Variants in HDLBP observed in about 807,000 individuals in gnomAD.
The protein encoded by HDLBP is vigilin.
HDLBP carries 30 observed loss-of-function variants against 137.3 expected under a neutral mutation model. That is an observed-to-expected ratio of 0.22 (90% CI 0.16 to 0.30). The LOEUF (loss-of-function observed/expected upper bound fraction) is 0.30, where lower values mean the gene tolerates loss of function less well. HDLBP is among the 10% of genes least tolerant of loss of function. HDLBP has a pLI of 1.00. For missense variants in HDLBP, 1,119 were observed against 1,667.3 expected, an observed-to-expected ratio of 0.67 and a Z score of 5.73; for synonymous variants, 606 against 596.0, an observed-to-expected ratio of 1.02 and a Z score of -0.24.
chr2:241,300,246 C>T (rs1166060085), intron 1 of HDLBP, among the ~76,000 whole-genome samples: 1 of 152,024 alleles, frequency 6.6e-6, no homozygotes, highest in Non-Finnish European at 1.5e-5. Flanking sequence ...GCGGGCGCCC[C>T]CCGGTGCTCC....
intron 5 of HDLBP, among the ~76,000 whole-genome samples, chr2:241,259,663 T>C (rs1458608172): frequency 1.3e-5 from 2 of 152,174 alleles, no homozygotes; most frequent in African/African-American, 2.4e-5. Context: ...TTTGTAGAGA[T>C]GGGGTCTGAC....
intron 17 of HDLBP, 59 bp downstream of exon 17, chr2:241,242,401 G>T: frequency 7.0e-7 from 1 of 1,428,910 alleles, no homozygotes. Context: ...TGAGAAGCGA[G>T]AACACTGTAC....
At chr2:241,271,991 GGCCACGA>G (rs2149579103) in intron 1 of HDLBP, 1 of 163,190 alleles carries the variant, frequency 6.1e-6, no homozygotes, top group Non-Finnish European at 1.3e-5. Flanking sequence ...CCCTCCCACA[GGCCACGA>G]GGGCCCGCGG....
intron 20 of HDLBP, among the ~76,000 whole-genome samples, chr2:241,237,629 G>A (rs3732222): frequency 9.9e-5 from 15 of 152,200 alleles, no homozygotes; most frequent in Admixed American, 5.2e-4. Flanking sequence ...ATCCGATTCC[G>A]ATAAATGTGC....
intron 1 of HDLBP, among the ~76,000 whole-genome samples, chr2:241,295,055 T>C (rs569126426): frequency 2.0e-5 from 3 of 152,154 alleles, no homozygotes; most frequent in Non-Finnish European, 4.4e-5. Context: ...TGAGCCGAGA[T>C]TGCACCACTG....
chr2:241,281,189 C>G (rs1455252353), intron 1 of HDLBP, among the ~76,000 whole-genome samples: 1 of 152,150 alleles, frequency 6.6e-6, no homozygotes, highest in Non-Finnish European at 1.5e-5. Flanking sequence ...AACCCCATCT[C>G]TACTAAAACA....
At chr2:241,271,215 T>C (rs1455379536) in intron 1 of HDLBP, 1 of 817,128 alleles carries the variant, frequency 1.2e-6, no homozygotes, top group African/African-American at 1.9e-5. Context: ...ACTTTTCCCA[T>C]AGGAAGCTCG....
rs989886215 is a variant in HDLBP, at chr2:241,267,497, C to T, written c.-37-591G>A. ...CATGGAACCTGCCACCTGCCTGACC[C>T]AGGCTCCAGGCATAGATCAACACCA... On this transcript the variant is annotated intron_variant, in intron 2 of 27. Transcript: ENST00000310931. The T allele has an allele frequency of 2.2e-6, 3 of 1,376,806 alleles. No homozygotes were observed. The East Asian group carries it at 7.5e-5, about 34-fold the overall frequency. The allele number at this position is 1,376,806 out of a possible 1,614,324, so 85.3% of individuals were successfully genotyped here.
chr2:241,262,191 G>A (rs1466215574), intron 5 of HDLBP, among the ~76,000 whole-genome samples: 6 of 152,230 alleles, frequency 3.9e-5, no homozygotes, highest in Non-Finnish European at 8.8e-5. Context: ...CTGGAAATGT[G>A]TAGTTAGTGA....
intron 23 of HDLBP, among the ~76,000 whole-genome samples, chr2:241,234,739 C>T (rs935255531): frequency 2.6e-5 from 4 of 152,166 alleles, no homozygotes; most frequent in Admixed American, 2.6e-4. Context: ...AGTCATTCGC[C>T]CTTTGACCAC....
intron 1 of HDLBP, among the ~76,000 whole-genome samples, chr2:241,307,099 G>A (rs2075607987): frequency 6.6e-6 from 1 of 151,640 alleles, no homozygotes; most frequent in Non-Finnish European, 1.5e-5. Context: ...GGGGGGCAGT[G>A]TCATCCTAAC....
chr2:241,314,963 G>C (rs962465096), intron 1 of HDLBP: 30 of 152,138 alleles, frequency 2.0e-4, no homozygotes, highest in African/African-American at 6.5e-4. Context: ...GGGAGGAAAG[G>C]ACACCCCGGG....
intron 5 of HDLBP, among the ~76,000 whole-genome samples, chr2:241,258,128 G>T (rs1036636627): frequency 2.6e-5 from 4 of 151,982 alleles, no homozygotes; most frequent in Non-Finnish European, 5.9e-5. Flanking sequence ...GCCAGGCGCA[G>T]TGGCTCACGC....
chr2:241,241,841 T>G (rs1385611236), intron 17 of HDLBP, among the ~76,000 whole-genome samples: 1 of 152,084 alleles, frequency 6.6e-6, no homozygotes, highest in African/African-American at 2.4e-5. Flanking sequence ...AATGGAGAAA[T>G]GCCTGCAAAA....
rs2069392408 is a variant in HDLBP, at chr2:241,228,929, TGA to T, written c.*670_*671del. ...AGGCTCCACTCACCAGACCTCAGGC[TGA>T]GGGTCTGGCAGTGGAGGTAGGGGCA... On this transcript the variant is annotated 3_prime_UTR_variant, in exon 28 of 28. Coordinates refer to ENST00000310931, the MANE Select transcript of HDLBP (RefSeq NM_005336.6). The T allele has an allele frequency of 6.5e-6, 1 of 152,856 alleles. No homozygotes were observed. Among genetic ancestry groups the T allele is most frequent in the Non-Finnish European group, 1.5e-5 (1 of 68,398 alleles). The allele number at this position is 152,856 out of a possible 1,614,324, so 9.5% of individuals were successfully genotyped here. A position where few individuals can be genotyped will look rare whatever the true frequency, so the allele number is the denominator to read the frequency against.
Position 241,239,739 on chromosome 2 carries a change from C to T in HDLBP, c.2473G>A (p.Glu825Lys). ...ACCCCGCCATACTCTTCAGCAATCT[C>T]CCGCAAGACCTGGCCTCTGCGGATG... Reference protein sequence around the residue: ...FVIRRGQVLREIAEEYGGVMV... With the variant: ...FVIRRGQVLRKIAEEYGGVMV... The change falls in exon 19 of 28, where the codon GAG becomes AAG. Residue 825 changes from glutamate to lysine, a missense_variant. This residue lies in a region of HDLBP where 618 missense variants were observed against 816.7 expected (regional missense o/e 0.76). Coordinates refer to ENST00000310931, the MANE Select transcript of HDLBP (RefSeq NM_005336.6). The surrounding 1 kb of genome is among the most constrained non-coding windows in gnomAD (Gnocchi z 4.6). The T allele has an allele frequency of 1.9e-6, 3 of 1,614,196 alleles. No individual in the cohort carries two copies. Among genetic ancestry groups the T allele is most frequent in the Non-Finnish European group, 2.5e-6 (3 of 1,180,038 alleles).
rs770743953 is a variant in HDLBP, at chr2:241,247,051, A to G, written c.1818+5T>C. ...AGAAGCAAGATGCAGCGGACAAGTT[A>G]TCACCTTTTTAATGTTTGCGCCTCC... On this transcript the variant is annotated splice_donor_5th_base_variant and intron_variant, in intron 15 of 27. Transcript: ENST00000310931. The G allele has an allele frequency of 1.2e-6, 2 of 1,606,962 alleles. No homozygotes were observed. The highest frequency in any genetic ancestry group is 1.3e-5 in the African/African-American group (1 of 74,886).
rs1197345257 is a variant in HDLBP at position 241,239,496 on chromosome 2, G to A, written c.2610+106C>T. 3.4e-6 allele frequency: 3 copies of A among 887,520 alleles called. No individual in the cohort carries two copies. The highest frequency in any genetic ancestry group is 5.4e-6 in the Non-Finnish European group (3 of 552,288). The allele number at this position is 887,520 out of a possible 1,614,324, so 55.0% of individuals were successfully genotyped here. A position where few individuals can be genotyped will look rare whatever the true frequency, so the allele number is the denominator to read the frequency against. ...GCCCCTTCTGAAGCCTTCCAGGGCT[G>A]TATGAGGGAGTCACCTCCCTACAGG... On this transcript the variant is annotated intron_variant, in intron 19 of 27. Coordinates refer to ENST00000310931, the MANE Select transcript of HDLBP (RefSeq NM_005336.6). This position sits in a 1 kb window ranked among gnomAD's most constrained non-coding sequence, Gnocchi z 4.6.
At chr2:241,298,997 G>A (rs895683730) in intron 1 of HDLBP, among the ~76,000 whole-genome samples, 2 of 152,176 alleles carry the variant, frequency 1.3e-5, no homozygotes, top group Admixed American at 6.5e-5. Context: ...AGGCGGCAAC[G>A]CATTCATGTT....
Sources: gnomAD v4.1 joint callset for allele counts (sites outside exome capture counted in the v4.1 genomes callset) on GRCh38, gnomAD v4.1.1 for gene constraint, gnomAD v4.1.1 regional missense constraint, Gnocchi (gnomAD v3.1) non-coding constraint, MANE v1.5 for transcripts, NCBI Gene and HGNC (gene_info 2026-07-23, HGNC 2026-07-21) for gene names.